Variants in DCT observed in about 807,000 individuals in gnomAD.
The protein encoded by DCT is L-dopachrome tautomerase.
A neutral mutation model predicts 53.0 loss-of-function variants in DCT; 47 were observed. That is an observed-to-expected ratio of 0.89 (90% CI 0.70 to 1.13). DCT has a LOEUF of 1.13. DCT is among the 50% of genes most tolerant of loss of function. DCT has a pLI of 0.00. For missense variants in DCT, 669 were observed against 637.4 expected (o/e 1.05, Z -0.53); for synonymous variants, 244 against 237.0 (o/e 1.03, Z -0.27).
intron 1 of DCT, 75 bp downstream of exon 1, chr13:94,478,886 G>A: frequency 7.1e-7 from 1 of 1,408,378 alleles, no homozygotes; most frequent in Non-Finnish European, 9.7e-7. Flanking sequence ...TCTGTCAAGA[G>A]TCTCATCTCT....
At chr13:94,452,249 T>C (rs907001761) in intron 6 of DCT, among the ~76,000 whole-genome samples, 1 of 152,180 alleles carries the variant, frequency 6.6e-6, no homozygotes, top group African/African-American at 2.4e-5. Flanking sequence ...GCCAGGCTGG[T>C]CTTGAACTCC....
chr13:94,451,632 A>G (rs950955558), intron 6 of DCT, among the ~76,000 whole-genome samples: 2 of 152,198 alleles, frequency 1.3e-5, no homozygotes, highest in African/African-American at 2.4e-5. Flanking sequence ...TTTGCAAGAC[A>G]TCTCGCATAG....
chr13:94,465,928 T>G lies in DCT; in HGVS notation c.697-129A>C, dbSNP rs146612651. ...AGACAAAGACTACTGGATGGATAAATGAATGAAGAAACTGTGACATAAATC... is the reference window on the plus strand; with the variant it reads ...AGACAAAGACTACTGGATGGATAAAGGAATGAAGAAACTGTGACATAAATC... On this transcript the variant is annotated intron_variant, in intron 3 of 7. Coordinates refer to ENST00000377028, the MANE Select transcript of DCT (RefSeq NM_001922.5). 1.7e-3 allele frequency: 564 copies of G among 337,362 alleles called. 6 individuals carry two copies. Among genetic ancestry groups the G allele is most frequent in the African/African-American group, 0.012 (522 of 42,130 alleles). 20.9% of individuals were successfully genotyped at this position (337,362 alleles called of 1,614,324 possible).
chr13:94,486,910 A>T, the DCT span, among the ~76,000 whole-genome samples: 1 of 152,186 alleles, frequency 6.6e-6, no homozygotes, highest in Non-Finnish European at 1.5e-5. Flanking sequence ...AGACAAACAC[A>T]CACACACACA....
At chr13:94,481,572 T>C (rs1885446787), upstream of DCT, among the ~76,000 whole-genome samples, 1 of 152,188 alleles carries the variant, frequency 6.6e-6, no homozygotes, top group Non-Finnish European at 1.5e-5. Flanking sequence ...TATGTCAGAA[T>C]GCCCCAGGTC....
At chr13:94,490,515 A>AC in the DCT span, among the ~76,000 whole-genome samples, 1 of 140,348 alleles carries the variant, frequency 7.1e-6, no homozygotes, top group Non-Finnish European at 1.6e-5. Context: ...AAAAAAAAAA[A>AC]AAAAAAAAAA....
the DCT span, among the ~76,000 whole-genome samples, chr13:94,503,105 G>A: frequency 4.6e-5 from 7 of 152,112 alleles, no homozygotes; most frequent in African/African-American, 1.4e-4. Flanking sequence ...GGTTGGGTGC[G>A]GTGGCTCATG....
At chr13:94,542,716 T>C in the DCT span, among the ~76,000 whole-genome samples, 6 of 152,228 alleles carry the variant, frequency 3.9e-5, no homozygotes, top group African/African-American at 1.4e-4. Flanking sequence ...GGACCAGCTC[T>C]GTGAAAAGCA....
rs3044355 is a variant in DCT, at chr13:94,465,968, T to TTATA, written c.697-173_697-170dup. Among the ~76,000 whole-genome samples, 462 of 77,502 alleles carry TTATA rather than the reference T, an allele frequency of 6.0e-3. 11 individuals carry two copies. The highest frequency in any genetic ancestry group is 0.016 in the Middle Eastern group (2 of 128). 50.8% of individuals were successfully genotyped at this position (77,502 alleles called of 152,430 possible). ...TGACATAAATCAGTGTGTGTATATT[T>TTATA]TATATATATATATATATATATATAT... On this transcript the variant is annotated intron_variant, in intron 3 of 7. Coordinates refer to ENST00000377028, the MANE Select transcript of DCT (RefSeq NM_001922.5).
the DCT span, among the ~76,000 whole-genome samples, chr13:94,547,984 A>AAAAATATAT: frequency 8.2e-3 from 539 of 65,818 alleles, 8 homozygotes; most frequent in African/African-American, 0.021. Flanking sequence ...AAAAAAAAAA[A>AAAAATATAT]ATATATATAT....
At chr13:94,480,581 T>C (rs1210627432), upstream of DCT, among the ~76,000 whole-genome samples, 2 of 152,228 alleles carry the variant, frequency 1.3e-5, no homozygotes, top group Non-Finnish European at 2.9e-5. Flanking sequence ...AACAATTATA[T>C]AGGTATTCCC....
chr13:94,547,985 ATATAT>A, the DCT span, among the ~76,000 whole-genome samples: 1 of 63,510 alleles, frequency 1.6e-5, no homozygotes, highest in Non-Finnish European at 2.6e-5. Flanking sequence ...AAAAAAAAAA[ATATAT>A]ATATATATAT....
Position 94,437,539 on chromosome 13 carries a change from T to C in DCT, c.*2359A>G, listed in dbSNP as rs1881977139. On this transcript the variant is annotated 3_prime_UTR_variant, in exon 8 of 8. Transcript: ENST00000377028. ...ATAAAAAGCATTTCTATTAAAATCA[T>C]ACATGCAGTTTTTCTAATACTGAAG... 6.6e-6 allele frequency: 1 copy of C among 152,210 alleles called. No homozygotes were observed. Among genetic ancestry groups the C allele is most frequent in the Non-Finnish European group, 1.5e-5 (1 of 68,022 alleles). The allele number at this position is 152,210 out of a possible 1,614,324, so 9.4% of individuals were successfully genotyped here.
the DCT span, among the ~76,000 whole-genome samples, chr13:94,542,246 T>C: frequency 6.6e-6 from 1 of 152,340 alleles, no homozygotes; most frequent in Non-Finnish European, 1.5e-5. Flanking sequence ...TGGAGTGCAG[T>C]GGTGCAATAT....
At chr13:94,504,364 T>G in the DCT span, among the ~76,000 whole-genome samples, 3 of 152,110 alleles carry the variant, frequency 2.0e-5, no homozygotes, top group African/African-American at 7.2e-5. Context: ...TTTTGTTGTT[T>G]GTTTGTTTTG....
chr13:94,530,292 G>T, the DCT span, among the ~76,000 whole-genome samples: 1 of 152,178 alleles, frequency 6.6e-6, no homozygotes, highest in African/African-American at 2.4e-5. Flanking sequence ...ATCTTATGAG[G>T]CTAGCGTCAT....
At chr13:94,511,825 AGTGTGTGTGTGTGTGTGT>A in the DCT span, among the ~76,000 whole-genome samples, 10,054 of 143,754 alleles carry the variant, frequency 0.07, 819 homozygotes, top group African/African-American at 0.19. Flanking sequence ...CAGCATTGTC[AGTGTGTGTGTGTGTGTGT>A]GTGTGTGTGT....
At chr13:94,486,660 T>C in the DCT span, among the ~76,000 whole-genome samples, 7 of 152,192 alleles carry the variant, frequency 4.6e-5, no homozygotes, top group Admixed American at 2.6e-4. Context: ...TACTTCCCCA[T>C]AGAAAGCAGC....
chr13:94,531,010 A>G, the DCT span, among the ~76,000 whole-genome samples: 1 of 152,212 alleles, frequency 6.6e-6, no homozygotes, highest in Non-Finnish European at 1.5e-5. Context: ...ACAAAAAGAG[A>G]GTCAAATCAT....
Sources: allele counts gnomAD v4.1 joint callset (sites outside exome capture counted in the v4.1 genomes callset), GRCh38; gene constraint gnomAD v4.1.1; transcripts MANE v1.5; gene names NCBI Gene and HGNC (gene_info 2026-07-23, HGNC 2026-07-21).